SARNP: variants seen among roughly 807,000 people sequenced by gnomAD.
The protein encoded by SARNP is SAP domain-containing ribonucleoprotein.
A neutral mutation model predicts 38.1 loss-of-function variants in SARNP; 5 were observed. The observed-to-expected ratio is 0.13, with a 90% CI of 0.07 to 0.28. The LOEUF is 0.28. SARNP is among the 10% of genes least tolerant of loss of function. The pLI is 1.00. For synonymous variants in SARNP, 84 were observed against 80.6 expected (o/e 1.04, Z -0.23); for missense variants, 180 against 243.9 (o/e 0.74, Z 1.75).
At chr12:55,796,683 A>T (rs957979397) in intron 4 of SARNP, among the ~76,000 whole-genome samples, 6 of 152,152 alleles carry the variant, frequency 3.9e-5, no homozygotes, top group Non-Finnish European at 7.4e-5. Flanking sequence ...GATTACAGGC[A>T]TCAGCCACCG....
chr12:55,758,419 G>A lies in SARNP; in HGVS notation c.592-866C>T, dbSNP rs138417791. 3.1e-3 allele frequency among the ~76,000 whole-genome samples: 475 copies of A among 152,202 alleles called. 2 individuals carry two copies. The highest frequency in any genetic ancestry group is 0.011 in the African/African-American group (438 of 41,510). On this transcript the variant is annotated intron_variant, in intron 10 of 10. Coordinates refer to ENST00000336133, the MANE Select transcript of SARNP (RefSeq NM_033082.4). ...CTCAGGACTTTGAGAGGCCGAGGCAGGCAGATCACGAGGTCAGGAGTTCAA... is the reference window on the plus strand; with the variant it reads ...CTCAGGACTTTGAGAGGCCGAGGCAAGCAGATCACGAGGTCAGGAGTTCAA...
At chr12:55,753,611 A>T (rs1878404882), downstream of SARNP, 1 of 152,046 alleles carries the variant, frequency 6.6e-6, no homozygotes, top group Non-Finnish European at 1.5e-5. Context: ...CTCTACTAAA[A>T]TACCCAAAAT....
At chr12:55,785,652 A>G (rs963583146) in intron 9 of SARNP, among the ~76,000 whole-genome samples, 9 of 151,916 alleles carry the variant, frequency 5.9e-5, no homozygotes, top group African/African-American at 1.9e-4. Flanking sequence ...GCGCACTCCC[A>G]TATTCTTAGC....
intron 3 of SARNP, 94 bp downstream of exon 3, chr12:55,800,757 TAAA>T: frequency 4.6e-6 from 6 of 1,313,378 alleles, no homozygotes; most frequent in Non-Finnish European, 6.6e-6. Flanking sequence ...GCTCCCCTAA[TAAA>T]TTTACATCTA....
intron 9 of SARNP, 32 bp downstream of exon 9, chr12:55,789,043 C>G (rs2136194019): frequency 6.7e-7 from 1 of 1,488,744 alleles, no homozygotes; most frequent in East Asian, 2.3e-5. Context: ...TCTAATGTCA[C>G]AAAAACATTA....
At chr12:55,810,932 C>T (rs1880308925) in intron 1 of SARNP, among the ~76,000 whole-genome samples, 1 of 151,868 alleles carries the variant, frequency 6.6e-6, no homozygotes, top group Non-Finnish European at 1.5e-5. Context: ...CAAAAATTAG[C>T]CAGACGTGGT....
intron 9 of SARNP, among the ~76,000 whole-genome samples, chr12:55,766,616 C>CGGGGGGGGG (rs58583137): frequency 3.7e-4 from 14 of 38,106 alleles, no homozygotes; most frequent in African/African-American, 1.2e-3. Context: ...GTTTTTTTGG[C>CGGGGGGGGG]GGGGGGGGGG....
Position 55,760,432 on chromosome 12 carries a change from C to T in SARNP, c.591+119G>A, listed in dbSNP as rs1358479693. ...TTCCTGGGCAACAGAGACCCCAACT[C>T]GACTTAAATAAGTAAATAAATAAAT... On this transcript the variant is annotated intron_variant, in intron 10 of 10. Coordinates refer to ENST00000336133, the MANE Select transcript of SARNP (RefSeq NM_033082.4). The T allele has an allele frequency of 1.2e-5, 8 of 650,558 alleles. No individual in the cohort carries two copies. The African/African-American group carries it at 1.3e-4, about 10-fold the overall frequency. 40.3% of individuals were successfully genotyped at this position (650,558 alleles called of 1,614,324 possible). A position where few individuals can be genotyped will look rare whatever the true frequency, so the allele number is the denominator to read the frequency against.
intron 9 of SARNP, among the ~76,000 whole-genome samples, chr12:55,777,385 T>C (rs183842854): frequency 4.6e-5 from 7 of 152,098 alleles, no homozygotes; most frequent in Non-Finnish European, 7.4e-5. Context: ...TTTTTTATTT[T>C]TTTTTTTGAG....
intron 9 of SARNP, chr12:55,761,918 G>A (rs1177235812): frequency 6.6e-6 from 1 of 152,216 alleles, no homozygotes; most frequent in Non-Finnish European, 1.5e-5. Flanking sequence ...CCCTAGAGAT[G>A]TACCCATCCT....
intron 9 of SARNP, among the ~76,000 whole-genome samples, chr12:55,764,190 T>C (rs1218469513): frequency 6.6e-6 from 1 of 152,218 alleles, no homozygotes; most frequent in Non-Finnish European, 1.5e-5. Flanking sequence ...AATCTGGTTC[T>C]AATTTTGCTT....
intron 1 of SARNP, among the ~76,000 whole-genome samples, chr12:55,807,834 T>C (rs1880201894): frequency 6.6e-6 from 1 of 150,926 alleles, no homozygotes; most frequent in African/African-American, 2.5e-5. Flanking sequence ...AAAAAAAAAT[T>C]TTTTTTAAGA....
chr12:55,797,021 C>T (rs924482396), intron 4 of SARNP, among the ~76,000 whole-genome samples: 32 of 152,236 alleles, frequency 2.1e-4, no homozygotes, highest in South Asian at 2.1e-4. Context: ...GAAGTACCCA[C>T]GATAAATGGA....
chr12:55,786,077 G>T (rs867530923), intron 9 of SARNP, among the ~76,000 whole-genome samples: 2 of 152,138 alleles, frequency 1.3e-5, no homozygotes, highest in African/African-American at 4.8e-5. Flanking sequence ...GCCTTCTGTG[G>T]ACTAAAAATG....
rs767167476 is a variant in SARNP at position 55,817,672 on chromosome 12, C to T, written c.30G>A (p.Lys10=). 6.8e-6 allele frequency: 11 copies of T among 1,612,828 alleles called. No homozygotes were observed. The highest frequency in any genetic ancestry group is 1.6e-4 in the Middle Eastern group (1 of 6,080). Residue 10 remains lysine, a synonymous_variant, in exon 1 of 11, where the codon AAG becomes AAA. Transcript: ENST00000336133. MATETVELH[K]LKLAELKQEC... ...CTTCCCCGATTCACGGTACCTTTAGCTTATGGAGCTCCACCGTCTCGGTCG... is the reference window on the plus strand; with the variant it reads ...CTTCCCCGATTCACGGTACCTTTAGTTTATGGAGCTCCACCGTCTCGGTCG...
At chr12:55,812,235 T>C (rs1880348919) in intron 1 of SARNP, among the ~76,000 whole-genome samples, 1 of 152,194 alleles carries the variant, frequency 6.6e-6, no homozygotes, top group Non-Finnish European at 1.5e-5. Context: ...TTTGTAAACA[T>C]CTCCTTGTTA....
chr12:55,796,396 T>C (rs986471912), intron 4 of SARNP, among the ~76,000 whole-genome samples: 6 of 152,148 alleles, frequency 3.9e-5, no homozygotes, highest in African/African-American at 1.4e-4. Flanking sequence ...TTTTAGGAAC[T>C]TTTCAATTTA....
intron 9 of SARNP, among the ~76,000 whole-genome samples, chr12:55,782,638 G>A (rs889072950): frequency 1.3e-5 from 2 of 152,116 alleles, no homozygotes; most frequent in African/African-American, 4.8e-5. Flanking sequence ...TCAGGCTGGT[G>A]TGCAGTGGTA....
chr12:55,771,180 A>G (rs1394430935), intron 9 of SARNP, among the ~76,000 whole-genome samples: 1 of 151,464 alleles, frequency 6.6e-6, no homozygotes, highest in Non-Finnish European at 1.5e-5. Context: ...CTGGTCTCGA[A>G]CTCCTGACCT....
Sources: allele counts gnomAD v4.1 joint callset (sites outside exome capture counted in the v4.1 genomes callset), GRCh38; gene constraint gnomAD v4.1.1; transcripts MANE v1.5; gene names NCBI Gene and HGNC (gene_info 2026-07-23, HGNC 2026-07-21).